The following CIB2 variants were observed in gnomAD, a reference collection of about 807,000 sequenced individuals.
CIB2 encodes calcium and integrin binding family member 2.
In CIB2, 19 loss-of-function variants were observed where a neutral mutation model predicts 23.1. That is an observed-to-expected ratio of 0.82 (90% CI 0.57 to 1.21). The LOEUF (loss-of-function observed/expected upper bound fraction) is 1.21, where lower values mean the gene tolerates loss of function less well. Among genes scored for constraint, CIB2 ranks in the 50% most tolerant of loss-of-function variants. The pLI, the probability that CIB2 is intolerant of heterozygous loss-of-function variation, is 0.00. For missense variants in CIB2, 220 were observed against 241.5 expected (o/e 0.91, Z 0.59); for synonymous variants, 94 against 91.7 (o/e 1.03, Z -0.14).
At chr15:78,128,662 G>T (rs1174671652) in intron 1 of CIB2, among the ~76,000 whole-genome samples, 1 of 151,274 alleles carries the variant, frequency 6.6e-6, no homozygotes, top group Non-Finnish European at 1.5e-5. Context: ...CTGCACTCCA[G>T]CCTGGGTGAC....
intron 2 of CIB2, among the ~76,000 whole-genome samples, chr15:78,115,676 CTTTTTTTTTTTT>C (rs56754406): frequency 1.4e-5 from 1 of 71,294 alleles, no homozygotes; most frequent in Non-Finnish European, 2.6e-5. Flanking sequence ...ATCTCCTTCT[CTTTTTTTTTTTT>C]TTTTTTTTTT....
intron 3 of CIB2, 66 bp downstream of exon 3, chr15:78,111,098 TG>T: frequency 7.3e-7 from 1 of 1,372,980 alleles, no homozygotes; most frequent in Non-Finnish European, 1.0e-6. Flanking sequence ...AGCCTAGACC[TG>T]GGGGCCTCTG....
intron 3 of CIB2, chr15:78,110,536 G>C (rs367708440): frequency 2.6e-4 from 105 of 406,376 alleles, no homozygotes; most frequent in South Asian, 1.8e-3. Context: ...CACTGCAATG[G>C]GGAGTTGTGC....
intron 1 of CIB2, among the ~76,000 whole-genome samples, chr15:78,130,747 G>C (rs1415757074): frequency 6.6e-6 from 1 of 152,176 alleles, no homozygotes; most frequent in Non-Finnish European, 1.5e-5. Flanking sequence ...CAGGACGCCA[G>C]CTCTCATTTC....
At chr15:78,113,752 A>AATCTCCTG in intron 2 of CIB2, among the ~76,000 whole-genome samples, 1 of 152,174 alleles carries the variant, frequency 6.6e-6, no homozygotes. Context: ...GGATGGTCTC[A>AATCTCCTG]ATCTCCTGAC....
chr15:78,129,701 A>G (rs182268276), intron 1 of CIB2, among the ~76,000 whole-genome samples: 1 of 152,176 alleles, frequency 6.6e-6, no homozygotes, highest in East Asian at 1.9e-4. Context: ...TGAGTGTCTG[A>G]GACTGAGTGC....
intron 2 of CIB2, among the ~76,000 whole-genome samples, chr15:78,115,990 A>G (rs1174559582): frequency 6.6e-6 from 1 of 150,826 alleles, no homozygotes; most frequent in African/African-American, 2.4e-5. Context: ...AACTGAAGAC[A>G]GAAAATATTT....
intron 4 of CIB2, 36 bp downstream of exon 4, chr15:78,109,199 C>G (rs751693707): frequency 3.7e-6 from 4 of 1,090,804 alleles, no homozygotes; most frequent in Non-Finnish European, 5.2e-6. Flanking sequence ...TGTTCCCCCA[C>G]CGCATATTCA....
chr15:78,125,295 C>T (rs947683366), intron 1 of CIB2, among the ~76,000 whole-genome samples: 1 of 152,180 alleles, frequency 6.6e-6, no homozygotes, highest in African/African-American at 2.4e-5. Flanking sequence ...ACCCCAGGGC[C>T]GTTTCCATGG....
At chr15:78,115,388 T>A (rs2074223382) in intron 2 of CIB2, among the ~76,000 whole-genome samples, 1 of 151,842 alleles carries the variant, frequency 6.6e-6, no homozygotes, top group African/African-American at 2.4e-5. Context: ...GCCTCCCAAG[T>A]AGCTGGAATT....
Position 78,105,854 on chromosome 15 carries a change from C to T in CIB2, c.427G>A (p.Glu143Lys). 1 of 1,614,238 alleles carries T rather than the reference C, an allele frequency of 6.2e-7. No individual in the cohort carries two copies. The highest frequency in any genetic ancestry group is 8.5e-7 in the Non-Finnish European group (1 of 1,180,046). ...TTGTCGCACACAAGCACCACCTCCT[C>T]CTCATCCAGCTCTGACTTAGTGAGC... ...ARLTKSELDE[E>K]EVVLVCDKVI... is the part of the protein sequence containing the mutation. Residue 143 changes from glutamate (E) to lysine (K), a missense_variant, in exon 5 of 6, where the codon GAG becomes AAG. Transcript: ENST00000258930.
chr15:78,109,681 G>C (rs145643626), intron 3 of CIB2, among the ~76,000 whole-genome samples: 2 of 151,800 alleles, frequency 1.3e-5, no homozygotes, highest in African/African-American at 4.8e-5. Context: ...AGTGGTGCAC[G>C]CCTGTAGTCC....
rs763915094 is a variant in CIB2, at chr15:78,109,243, T to C, written c.338A>G (p.Lys113Arg). Residue 113 changes from lysine (K) to arginine (R), a missense_variant, in exon 4 of 6, where the codon AAG becomes AGG. Physicochemically the swap from Lys to Arg is conservative, Grantham distance 26. Transcript: ENST00000258930. Reference protein sequence around the residue: ...PRELKANYAFKIYDFNTDNFI... With the variant: ...PRELKANYAFRIYDFNTDNFI... ...CCTCTAGCCCTGGTTACCATAGATC[T>C]TGAAGGCATAGTTTGCCTTGAGCTC... 6.8e-7 allele frequency: 1 copy of C among 1,476,508 alleles called. No homozygotes were observed. Among genetic ancestry groups the C allele is most frequent in the Non-Finnish European group, 9.1e-7 (1 of 1,097,894 alleles). The allele number at this position is 1,476,508 out of a possible 1,614,324, so 91.5% of individuals were successfully genotyped here. A position where few individuals can be genotyped will look rare whatever the true frequency, so the allele number is the denominator to read the frequency against.
At chr15:78,121,599 C>T (rs888553149) in intron 2 of CIB2, among the ~76,000 whole-genome samples, 9 of 152,258 alleles carry the variant, frequency 5.9e-5, no homozygotes, top group Admixed American at 5.9e-4. Context: ...TGAGTTCTCA[C>T]GAGATCTGAT....
Position 78,105,743 on chromosome 15 carries a change from G to C in CIB2, c.538C>G (p.Leu180Val), listed in dbSNP as rs778978406. The change falls in exon 5 of 6, where the codon CTC (leucine) becomes GTC (valine). Residue 180 changes from leucine (L) to valine (V), a missense_variant. Leu to Val is a conservative substitution (Grantham distance 32). Transcript: ENST00000258930. ...EDMIAKAPDF[L>V]STFHIRI ...CGGCCCCTGTAGTGGCAGCACCTGA[G>C]GAAGTCAGGGGCCTTGGCAATCATG... 51 of 1,613,944 alleles carry C rather than the reference G, an allele frequency of 3.2e-5. 2 individuals carry two copies. In the South Asian group the frequency reaches 5.6e-4, roughly 18 times the overall value.
chr15:78,116,842 A>G (rs2074246797), intron 2 of CIB2, among the ~76,000 whole-genome samples: 1 of 152,010 alleles, frequency 6.6e-6, no homozygotes, highest in Non-Finnish European at 1.5e-5. Context: ...GTGCTTTGGG[A>G]GGCCAAGGGG....
At chr15:78,121,866 T>C (rs1052746173) in intron 2 of CIB2, among the ~76,000 whole-genome samples, 3 of 152,194 alleles carry the variant, frequency 2.0e-5, no homozygotes, top group Non-Finnish European at 4.4e-5. Context: ...CGGACTGGCC[T>C]TCAAGCTCCT....
intron 5 of CIB2, 199 bp downstream of exon 5, chr15:78,105,540 G>A: frequency 6.8e-7 from 1 of 1,478,626 alleles, no homozygotes; most frequent in Non-Finnish European, 8.9e-7. Context: ...TCACTGAAGG[G>A]GCCCCCAGGT....
chr15:78,110,790 A>G (rs1383761617), intron 3 of CIB2: 1 of 461,340 alleles, frequency 2.2e-6, no homozygotes, highest in African/African-American at 2.0e-5. Flanking sequence ...AAATGATGCT[A>G]TGGATGACCA....
Sources: allele counts gnomAD v4.1 joint callset (sites outside exome capture counted in the v4.1 genomes callset), GRCh38; gene constraint gnomAD v4.1.1; transcripts MANE v1.5; gene names NCBI Gene and HGNC (gene_info 2026-07-23, HGNC 2026-07-21).